Variants in ATG14 observed in about 807,000 individuals in gnomAD.
ATG14 encodes the protein beclin 1-associated autophagy-related key regulator.
Under a neutral mutation model 60.4 loss-of-function variants are expected in ATG14, and 35 were observed. The ratio of observed to expected loss-of-function variants is 0.58; its 90% CI spans 0.44 to 0.77. ATG14 has a LOEUF of 0.77. Among genes scored for constraint, ATG14 ranks in the 30% least tolerant of loss-of-function variants. The probability of loss-of-function intolerance (pLI) is 0.00; values close to 1 mark genes in which losing one functional copy is unlikely to be tolerated. For missense variants in ATG14, 647 were observed against 626.3 expected, an observed-to-expected ratio of 1.03 and a Z score of -0.35; for synonymous variants, 234 against 228.8, an observed-to-expected ratio of 1.02 and a Z score of -0.21.
chr14:55,372,792 G>T (rs1884848157), intron 9 of ATG14, among the ~76,000 whole-genome samples: 1 of 151,986 alleles, frequency 6.6e-6, no homozygotes, highest in South Asian at 2.1e-4. Context: ...TGGGGTCTTA[G>T]TTTTCCCAGG....
intron 1 of ATG14, among the ~76,000 whole-genome samples, chr14:55,400,626 G>A (rs72717756): frequency 0.01 from 1,533 of 152,266 alleles, 10 homozygotes; most frequent in Middle Eastern, 0.024. Context: ...AAACTGGGCC[G>A]GTGCGGTGGC....
intron 9 of ATG14, among the ~76,000 whole-genome samples, chr14:55,371,939 G>A (rs1884828626): frequency 6.6e-6 from 1 of 152,176 alleles, no homozygotes; most frequent in African/African-American, 2.4e-5. Context: ...GAATTTCTCT[G>A]CCAGCAAACT....
At chr14:55,411,125 A>AT (rs1455611089) in intron 1 of ATG14, among the ~76,000 whole-genome samples, 1 of 152,226 alleles carries the variant, frequency 6.6e-6, no homozygotes, top group Non-Finnish European at 1.5e-5. Context: ...AGCATGTCTG[A>AT]TAACAAAGTC....
chr14:55,401,536 T>C (rs888172436), intron 1 of ATG14, among the ~76,000 whole-genome samples: 2 of 152,236 alleles, frequency 1.3e-5, no homozygotes, highest in African/African-American at 2.4e-5. Flanking sequence ...TCTTCTATAT[T>C]ATTCACTAAA....
chr14:55,384,370 T>A (rs564065781), intron 5 of ATG14, among the ~76,000 whole-genome samples: 6 of 152,326 alleles, frequency 3.9e-5, no homozygotes, highest in Admixed American at 2.6e-4. Context: ...GAAAATATTA[T>A]ACAATAATCA....
At chr14:55,408,718 C>T (rs997390549) in intron 1 of ATG14, among the ~76,000 whole-genome samples, 2 of 152,150 alleles carry the variant, frequency 1.3e-5, no homozygotes, top group Non-Finnish European at 2.9e-5. Flanking sequence ...CTGCCGCATG[C>T]CATGATTGTG....
intron 9 of ATG14, among the ~76,000 whole-genome samples, chr14:55,374,138 C>T (rs1483297964): frequency 6.6e-6 from 1 of 152,212 alleles, no homozygotes; most frequent in Non-Finnish European, 1.5e-5. Context: ...TTCATCGAGC[C>T]TTCCTATTTT....
chr14:55,405,446 G>C (rs1329493366), intron 1 of ATG14, among the ~76,000 whole-genome samples: 4 of 152,120 alleles, frequency 2.6e-5, no homozygotes, highest in Non-Finnish European at 5.9e-5. Context: ...CATCATTCCT[G>C]AAAACATAAT....
intron 5 of ATG14, among the ~76,000 whole-genome samples, chr14:55,383,132 G>A (rs1284417756): frequency 6.6e-6 from 1 of 152,210 alleles, no homozygotes; most frequent in African/African-American, 2.4e-5. Flanking sequence ...GTACTTCAGT[G>A]TGCAGCACAA....
chr14:55,411,514 G>C, intron 1 of ATG14, 88 bp downstream of exon 1: 1 of 1,311,878 alleles, frequency 7.6e-7, no homozygotes, highest in South Asian at 1.4e-5. Context: ...TCTGGTGCCC[G>C]GACGGGGAGC....
intron 7 of ATG14, among the ~76,000 whole-genome samples, chr14:55,380,337 C>T (rs539514595): frequency 6.6e-6 from 1 of 152,136 alleles, no homozygotes; most frequent in Non-Finnish European, 1.5e-5. Context: ...CTCTGAACAT[C>T]CTGATACTCC....
intron 1 of ATG14, among the ~76,000 whole-genome samples, chr14:55,405,848 A>G (rs1885479815): frequency 7.3e-6 from 1 of 136,398 alleles, no homozygotes; most frequent in South Asian, 2.6e-4. Flanking sequence ...ACACGCCTTC[A>G]GTTTACACTG....
intron 9 of ATG14, among the ~76,000 whole-genome samples, chr14:55,370,676 C>T (rs1884794803): frequency 6.6e-6 from 1 of 151,862 alleles, no homozygotes; most frequent in Non-Finnish European, 1.5e-5. Flanking sequence ...GAGTCTCGTT[C>T]TGTTGCCCAG....
chr14:55,375,829 G>A (rs1594776447), intron 9 of ATG14, among the ~76,000 whole-genome samples: 1 of 152,278 alleles, frequency 6.6e-6, no homozygotes, highest in African/African-American at 2.4e-5. Flanking sequence ...AGGCATCCTT[G>A]ATTGTTCCTA....
At chr14:55,395,385 C>G (rs564683869) in intron 3 of ATG14, among the ~76,000 whole-genome samples, 1 of 152,376 alleles carries the variant, frequency 6.6e-6, no homozygotes, top group African/African-American at 2.4e-5. Context: ...GGGAGTCTCA[C>G]TTTATTGCCC....
In ATG14 at chr14:55,368,354, G is replaced by C. The variant is rs1884731861; in HGVS notation, c.*1265C>G. The C allele has an allele frequency of 6.6e-6, 1 of 152,266 alleles. No individual in the cohort carries two copies. The highest frequency in any genetic ancestry group is 1.5e-5 in the Non-Finnish European group (1 of 68,120). 9.4% of individuals were successfully genotyped at this position (152,266 alleles called of 1,614,324 possible). On this transcript the variant is annotated 3_prime_UTR_variant, in exon 10 of 10. Coordinates refer to ENST00000247178, the MANE Select transcript of ATG14 (RefSeq NM_014924.5). ...CCTGCCGCAGCCTCCCGAGTAGCTGGGATTACAGGCGTGCGCCACCACACC... is the reference window on the plus strand; with the variant it reads ...CCTGCCGCAGCCTCCCGAGTAGCTGCGATTACAGGCGTGCGCCACCACACC...
intron 1 of ATG14, among the ~76,000 whole-genome samples, chr14:55,407,120 C>T (rs1317956673): frequency 6.6e-6 from 1 of 151,990 alleles, no homozygotes; most frequent in African/African-American, 2.4e-5. Flanking sequence ...CAACACAACA[C>T]CCAGCTAATT....
chr14:55,383,242 G>GAA (rs558554382), intron 5 of ATG14, among the ~76,000 whole-genome samples: 3 of 151,774 alleles, frequency 2.0e-5, no homozygotes, highest in Non-Finnish European at 2.9e-5. Flanking sequence ...ATATTCGGGG[G>GAA]AAAAAAAGAA....
chr14:55,385,220 G>A (rs1885102891), intron 5 of ATG14, among the ~76,000 whole-genome samples: 1 of 152,122 alleles, frequency 6.6e-6, no homozygotes, highest in Non-Finnish European at 1.5e-5. Context: ...AAGATTTTGA[G>A]GTCCAAGAAC....
Sources: allele counts gnomAD v4.1 joint callset (sites outside exome capture counted in the v4.1 genomes callset), GRCh38; gene constraint gnomAD v4.1.1; transcripts MANE v1.5; gene names NCBI Gene and HGNC (gene_info 2026-07-23, HGNC 2026-07-21).